ZNF704: variants seen among roughly 807,000 people sequenced by gnomAD.
ZNF704 encodes the protein zinc finger protein 704.
Under a neutral mutation model 44.7 loss-of-function variants are expected in ZNF704, and 10 were observed. The observed-to-expected ratio is 0.22, with a 90% CI of 0.14 to 0.38. ZNF704 has a LOEUF of 0.38. ZNF704 is among the 10% of genes least tolerant of loss of function. ZNF704 has a pLI of 1.00. For synonymous variants in ZNF704, 211 were observed against 207.6 expected (o/e 1.02, Z -0.14); for missense variants, 390 against 545.5 (o/e 0.71, Z 2.84).
At chr8:80,699,303 G>A (rs1818773014) in intron 2 of ZNF704, among the ~76,000 whole-genome samples, 1 of 152,210 alleles carries the variant, frequency 6.6e-6, no homozygotes, top group South Asian at 2.1e-4. Flanking sequence ...AAGAAATCTT[G>A]TAGAAAAAGT....
At chr8:80,769,085 G>C (rs537622986) in intron 2 of ZNF704, among the ~76,000 whole-genome samples, 1 of 152,218 alleles carries the variant, frequency 6.6e-6, no homozygotes, top group African/African-American at 2.4e-5. Context: ...TCCCAGCTGA[G>C]TTAGATGGTT....
chr8:80,874,451 G>C lies in ZNF704; in HGVS notation c.-22+120C>G, dbSNP rs1002225670. 13 of 151,026 alleles carry C rather than the reference G, an allele frequency of 8.6e-5. No individual in the cohort carries two copies. The highest frequency in any genetic ancestry group is 1.6e-4 in the Non-Finnish European group (11 of 67,688). The allele number at this position is 151,026 out of a possible 1,614,324, so 9.4% of individuals were successfully genotyped here. A position where few individuals can be genotyped will look rare whatever the true frequency, so the allele number is the denominator to read the frequency against. On this transcript the variant is annotated intron_variant, in intron 1 of 8. Transcript: ENST00000327835. This position sits in a 1 kb window ranked among gnomAD's most constrained non-coding sequence, Gnocchi z 4.4. The stretch of plus-strand genomic sequence containing the variant: ...CCGGGCCTACCGCTGCCGTGCCTCG[G>C]CGCGAGCTGTTTGTGTTGTATGTTT...
At chr8:80,710,927 G>A (rs1159880309) in intron 2 of ZNF704, among the ~76,000 whole-genome samples, 4 of 152,152 alleles carry the variant, frequency 2.6e-5, no homozygotes, top group African/African-American at 9.7e-5. Flanking sequence ...ATACTGGGGA[G>A]GGAGGTTGGT....
intron 2 of ZNF704, among the ~76,000 whole-genome samples, chr8:80,742,411 T>C (rs1806776074): frequency 6.6e-6 from 1 of 152,178 alleles, no homozygotes; most frequent in Admixed American, 6.5e-5. Context: ...CTTAAAACCC[T>C]TCACCACACC....
At chr8:80,796,680 C>A (rs956176239) in intron 2 of ZNF704, among the ~76,000 whole-genome samples, 2 of 152,048 alleles carry the variant, frequency 1.3e-5, no homozygotes, top group Admixed American at 6.5e-5. Flanking sequence ...GCAGGACAGG[C>A]ATAGAGTGGA....
At chr8:80,860,109 C>G (rs1340374455) in intron 1 of ZNF704, among the ~76,000 whole-genome samples, 1 of 152,232 alleles carries the variant, frequency 6.6e-6, no homozygotes, top group Non-Finnish European at 1.5e-5. Context: ...AGCACACACA[C>G]TGGAACCTTA....
intron 5 of ZNF704, among the ~76,000 whole-genome samples, chr8:80,669,693 A>T (rs1818250132): frequency 1.3e-5 from 2 of 152,210 alleles, no homozygotes; most frequent in South Asian, 4.1e-4. Flanking sequence ...CCAAGCACAC[A>T]GGAGCCTGGC....
chr8:80,788,379 C>G (rs1807648820), intron 2 of ZNF704, among the ~76,000 whole-genome samples: 2 of 152,144 alleles, frequency 1.3e-5, no homozygotes, highest in Admixed American at 6.5e-5. Flanking sequence ...GCTCTATAAC[C>G]AGTCTCCCTT....
upstream of ZNF704, among the ~76,000 whole-genome samples, chr8:80,879,011 T>G (rs1809393333): frequency 2.0e-5 from 3 of 152,220 alleles, no homozygotes; most frequent in African/African-American, 7.2e-5. Context: ...TTGAGTTGAA[T>G]CATACTGTGG....
chr8:80,633,777 T>TA lies in ZNF704; in HGVS notation c.*7588dup, dbSNP rs1389734676. 9 of 152,224 alleles carry TA rather than the reference T, an allele frequency of 5.9e-5. No individual in the cohort carries two copies. The highest frequency in any genetic ancestry group is 3.9e-4 in the Admixed American group (6 of 15,280). The allele number at this position is 152,224 out of a possible 1,614,324, so 9.4% of individuals were successfully genotyped here. On this transcript the variant is annotated 3_prime_UTR_variant, in exon 9 of 9. Coordinates refer to ENST00000327835, the MANE Select transcript of ZNF704 (RefSeq NM_001033723.3). ...TTACATACGTGAAAGGGTCAGTGAC[T>TA]ATCCCAACACCATCAGGACTCTGAT...
chr8:80,659,871 TATACCTAAGCAAG>T (rs2131605269), intron 6 of ZNF704, among the ~76,000 whole-genome samples, 182 bp from the exon 7 acceptor site: 1 of 152,304 alleles, frequency 6.6e-6, no homozygotes, highest in East Asian at 1.9e-4. Flanking sequence ...ACTTTGTATA[TATACCTAAGCAAG>T]CTATCTAAGG....
chr8:80,873,093 C>A (rs1397356319), intron 1 of ZNF704, among the ~76,000 whole-genome samples: 3 of 152,166 alleles, frequency 2.0e-5, no homozygotes, highest in South Asian at 2.1e-4. Flanking sequence ...AGAAACACCG[C>A]TTTCTGGTTT....
intron 1 of ZNF704, among the ~76,000 whole-genome samples, chr8:80,848,925 A>G (rs1180020910): frequency 6.6e-6 from 1 of 152,210 alleles, no homozygotes; most frequent in African/African-American, 2.4e-5. Context: ...CTAGTTAAAA[A>G]ATAAGACTCA....
intron 2 of ZNF704, among the ~76,000 whole-genome samples, chr8:80,693,523 G>A (rs1204673748): frequency 6.6e-6 from 1 of 152,230 alleles, no homozygotes; most frequent in African/African-American, 2.4e-5. Context: ...GGGCTATGAA[G>A]CGCATAAACA....
At chr8:80,836,967 T>C (rs1808594362) in intron 1 of ZNF704, among the ~76,000 whole-genome samples, 1 of 152,118 alleles carries the variant, frequency 6.6e-6, no homozygotes. Context: ...TTGCTTTGGA[T>C]ACTGATGTAT....
At chr8:80,716,014 A>C (rs1199239883) in intron 2 of ZNF704, among the ~76,000 whole-genome samples, 1 of 151,646 alleles carries the variant, frequency 6.6e-6, no homozygotes, top group African/African-American at 2.4e-5. Flanking sequence ...TGGGAGGCAG[A>C]GGTTGCAGTG....
intron 4 of ZNF704, among the ~76,000 whole-genome samples, chr8:80,684,355 C>T (rs1818500521): frequency 6.6e-6 from 1 of 152,128 alleles, no homozygotes. Flanking sequence ...AATACTTATC[C>T]TTATTATGTA....
At chr8:80,864,810 A>G (rs570026023) in intron 1 of ZNF704, among the ~76,000 whole-genome samples, 1 of 152,232 alleles carries the variant, frequency 6.6e-6, no homozygotes, top group Non-Finnish European at 1.5e-5. Flanking sequence ...AGGTGACATC[A>G]CTTTATTTCC....
intron 2 of ZNF704, among the ~76,000 whole-genome samples, chr8:80,809,042 A>G (rs1407959760): frequency 6.6e-6 from 1 of 152,220 alleles, no homozygotes; most frequent in African/African-American, 2.4e-5. Context: ...CTGTAATCCC[A>G]GCACTTTGGG....
Sources: gnomAD v4.1 joint callset for allele counts (sites outside exome capture counted in the v4.1 genomes callset) on GRCh38, gnomAD v4.1.1 for gene constraint, Gnocchi (gnomAD v3.1) non-coding constraint, MANE v1.5 for transcripts, NCBI Gene and HGNC (gene_info 2026-07-23, HGNC 2026-07-21) for gene names.